DNTT: variants seen among roughly 807,000 people sequenced by gnomAD.
DNTT encodes the protein DNA nucleotidylexotransferase.
In DNTT, 47 loss-of-function variants were observed where a neutral mutation model predicts 60.9. That is an observed-to-expected ratio of 0.77 (90% CI 0.61 to 0.98). The LOEUF is 0.98. Ranked by LOEUF, DNTT falls within the 50% of genes least tolerant of loss-of-function variation. The pLI is 0.00. For missense variants in DNTT, 665 were observed against 627.5 expected (o/e 1.06, Z -0.64); for synonymous variants, 224 against 221.2 (o/e 1.01, Z -0.11).
At chr10:96,310,600 G>T (rs997380478) in intron 1 of DNTT, among the ~76,000 whole-genome samples, 2 of 152,160 alleles carry the variant, frequency 1.3e-5, no homozygotes, top group Admixed American at 6.5e-5. Flanking sequence ...TAGAATGCTG[G>T]TGGGAGTCAC....
chr10:96,328,338 T>C (rs1844962958), intron 7 of DNTT, among the ~76,000 whole-genome samples: 1 of 152,212 alleles, frequency 6.6e-6, no homozygotes, highest in Non-Finnish European at 1.5e-5. Flanking sequence ...TCTAAGATAA[T>C]GCCTTTACTC....
chr10:96,330,946 T>A (rs1172987087), intron 8 of DNTT, among the ~76,000 whole-genome samples: 1 of 152,094 alleles, frequency 6.6e-6, no homozygotes. Flanking sequence ...GATGACATTA[T>A]TTGAGGGTTA....
intron 8 of DNTT, 81 bp downstream of exon 8, chr10:96,328,911 T>G: frequency 7.5e-7 from 1 of 1,337,828 alleles, no homozygotes; most frequent in Non-Finnish European, 1.0e-6. Flanking sequence ...GCCTTATAAT[T>G]GTGTAATGAC....
In DNTT at chr10:96,321,488, C is replaced by T. The variant is rs117156112; in HGVS notation, c.678+700C>T. ...TCTTCCCTTTTCCGGTGGAATGCTC[C>T]GGAAAGTCATAATCTGCCATTTTGT... is the stretch of plus-strand genomic sequence containing the variant. On this transcript the variant is annotated intron_variant, in intron 4 of 10. Coordinates refer to ENST00000371174, the MANE Select transcript of DNTT (RefSeq NM_004088.4). Among the ~76,000 whole-genome samples, 14 of 152,072 alleles carry T rather than the reference C, an allele frequency of 9.2e-5. No homozygotes were observed. In the East Asian group the frequency reaches 2.3e-3, roughly 25 times the overall value.
intron 7 of DNTT, among the ~76,000 whole-genome samples, chr10:96,328,148 A>G (rs1196962773): frequency 6.6e-6 from 1 of 152,206 alleles, no homozygotes; most frequent in Non-Finnish European, 1.5e-5. Flanking sequence ...GAATTCATGA[A>G]TGAGTGAACG....
intron 4 of DNTT, among the ~76,000 whole-genome samples, chr10:96,321,013 T>C (rs1223806252): frequency 1.3e-5 from 2 of 152,102 alleles, no homozygotes; most frequent in Admixed American, 6.5e-5. Context: ...CATATATATA[T>C]GTTAGGGGTT....
At chr10:96,318,766 ATG>A (rs1191796067) in intron 2 of DNTT, among the ~76,000 whole-genome samples, 1 of 152,198 alleles carries the variant, frequency 6.6e-6, no homozygotes, top group Non-Finnish European at 1.5e-5. Flanking sequence ...GCTGAACACA[ATG>A]TGTTGACTAT....
intron 8 of DNTT, among the ~76,000 whole-genome samples, chr10:96,331,598 T>A (rs573371997): frequency 1.4e-3 from 211 of 152,210 alleles, no homozygotes; most frequent in Non-Finnish European, 2.1e-3. Context: ...ACCATGAGGA[T>A]GAGGACGGCA....
intron 9 of DNTT, among the ~76,000 whole-genome samples, chr10:96,334,367 A>G (rs1442852592): frequency 6.6e-6 from 1 of 152,174 alleles, no homozygotes; most frequent in Non-Finnish European, 1.5e-5. Context: ...CCAGTACTGG[A>G]TAAGTAGTAG....
chr10:96,314,212 A>G (rs1306668807), intron 1 of DNTT, among the ~76,000 whole-genome samples: 1 of 152,002 alleles, frequency 6.6e-6, no homozygotes, highest in Non-Finnish European at 1.5e-5. Flanking sequence ...TATTATTATG[A>G]TACCCATCCA....
chr10:96,337,368 C>T (rs934828740), intron 10 of DNTT, among the ~76,000 whole-genome samples: 4 of 152,200 alleles, frequency 2.6e-5, no homozygotes, highest in Non-Finnish European at 5.9e-5. Flanking sequence ...GCACCTAACC[C>T]TCCTGGACTG....
Position 96,327,449 on chromosome 10 carries a change from C to T in DNTT, c.875-19C>T. 2.5e-6 allele frequency: 4 copies of T among 1,614,042 alleles called. No individual in the cohort carries two copies. Among genetic ancestry groups the T allele is most frequent in the Non-Finnish European group, 3.4e-6 (4 of 1,179,922 alleles). On this transcript the variant is annotated intron_variant, in intron 6 of 10. Coordinates refer to ENST00000371174, the MANE Select transcript of DNTT (RefSeq NM_004088.4). ...CACACGTGTCACTCTCTCCATTGAC[C>T]TGTCAAATGGCCTCTCAGGATTTCT...
At chr10:96,317,502 G>A (rs553697835) in intron 1 of DNTT, among the ~76,000 whole-genome samples, 1 of 152,246 alleles carries the variant, frequency 6.6e-6, no homozygotes, top group South Asian at 2.1e-4. Context: ...ATCATTTAAT[G>A]GGGTGTTTCT....
chr10:96,323,652 A>G (rs902685778), intron 5 of DNTT, among the ~76,000 whole-genome samples: 5 of 152,052 alleles, frequency 3.3e-5, no homozygotes, highest in Admixed American at 2.6e-4. Context: ...CTGCATCTTC[A>G]TTTACTTGGA....
intron 1 of DNTT, among the ~76,000 whole-genome samples, chr10:96,313,477 C>T (rs1045479779): frequency 3.3e-5 from 5 of 152,142 alleles, no homozygotes; most frequent in African/African-American, 9.7e-5. Context: ...CAAAGCTCCC[C>T]TCAGGCATCT....
chr10:96,318,497 G>A lies in DNTT; in HGVS notation c.349G>A (p.Val117Met). 1 of 1,613,618 alleles carries A rather than the reference G, an allele frequency of 6.2e-7. No homozygotes were observed. Among genetic ancestry groups the A allele is most frequent in the Non-Finnish European group, 8.5e-7 (1 of 1,179,718 alleles). ...LIECIRAGKP[V>M]EMTGKHQLVV... ...CGAATGCATAAGAGCAGGGAAACCG[G>A]TGGAAATGACAGGAAAACACCAGCT... is the stretch of plus-strand genomic sequence containing the variant. The change falls in exon 2 of 11, where the codon GTG (valine) becomes ATG (methionine). Residue 117 changes from valine to methionine, a missense_variant. Transcript: ENST00000371174.
Position 96,304,620 on chromosome 10 carries a change from G to C in DNTT, c.123G>C (p.Glu41Asp), listed in dbSNP as rs1326692555. 4 of 1,614,172 alleles carry C rather than the reference G, an allele frequency of 2.5e-6. No homozygotes were observed. The South Asian group carries it at 4.4e-5, about 18-fold the overall frequency. Residue 41 changes from glutamate to aspartate, a missense_variant, in exon 1 of 11, where the codon GAG (glutamate) becomes GAC (aspartate). Transcript: ENST00000371174. ...AAGATTTGGTCGTCTTCATTTTGGA[G>C]AAGAAAATGGGAACCACCCGCAGAG... ...KFQDLVVFILEKKMGTTRRAF... is the reference protein window; with the variant it reads ...KFQDLVVFILDKKMGTTRRAF...
chr10:96,315,062 C>T (rs1844772011), intron 1 of DNTT, among the ~76,000 whole-genome samples: 2 of 152,116 alleles, frequency 1.3e-5, no homozygotes, highest in South Asian at 2.1e-4. Flanking sequence ...CACGAGGAAG[C>T]ACATCACAGC....
At chr10:96,320,050 A>C (rs1004475710) in intron 3 of DNTT, among the ~76,000 whole-genome samples, 16 of 152,222 alleles carry the variant, frequency 1.1e-4, no homozygotes, top group African/African-American at 3.9e-4. Flanking sequence ...TTCCAGCTCC[A>C]TGTCTGTGTT....
Sources: gnomAD v4.1 joint callset for allele counts (sites outside exome capture counted in the v4.1 genomes callset) on GRCh38, gnomAD v4.1.1 for gene constraint, MANE v1.5 for transcripts, NCBI Gene and HGNC (gene_info 2026-07-23, HGNC 2026-07-21) for gene names.